GDF1: variants seen among roughly 807,000 people sequenced by gnomAD.
The protein encoded by GDF1 is growth differentiation factor 1, also known as embryonic growth/differentiation factor 1.
In GDF1, 8 loss-of-function variants were observed where a neutral mutation model predicts 7.4. The observed-to-expected ratio is 1.09, with a 90% CI of 0.64 to 1.96. The LOEUF (loss-of-function observed/expected upper bound fraction) is 1.96. Among genes scored for constraint, GDF1 ranks in the 30% most tolerant of loss-of-function variants. GDF1 has a pLI of 0.00. For missense variants in GDF1, 574 were observed against 551.5 expected (o/e 1.04, Z -0.41); for synonymous variants, 311 against 276.7 (o/e 1.12, Z -1.23).
intron 2 of GDF1, among the ~76,000 whole-genome samples, chr19:18,886,090 G>A (rs78922343): frequency 0.059 from 8,916 of 152,094 alleles, 312 homozygotes; most frequent in Middle Eastern, 0.14. Flanking sequence ...CATCCCCAGA[G>A]GCTGCCAGAC....
chr19:18,871,616 T>G (rs2145992613), intron 6 of GDF1, among the ~76,000 whole-genome samples: 1 of 152,302 alleles, frequency 6.6e-6, no homozygotes, highest in Non-Finnish European at 1.5e-5. Flanking sequence ...ACTCCTGGGC[T>G]CAAGCAGTCA....
At position 18,895,911 on chromosome 19, in the gene GDF1, G is replaced by T; in HGVS notation, c.-1161C>A. ...GCAGCAGCAGCTCGGGCGGCGCCAG[G>T]TGCGCGTGCTCAGCCAGGCCGCGAC... On this transcript the variant is annotated 5_prime_UTR_variant, in exon 1 of 8. Transcript: ENST00000247005. The surrounding 1 kb of genome is among the most constrained non-coding windows in gnomAD (Gnocchi z 6.4). 1 of 1,249,564 alleles carries T rather than the reference G, an allele frequency of 8.0e-7. No homozygotes were observed. The highest frequency in any genetic ancestry group is 2.3e-5 in the South Asian group (1 of 44,394). The allele number at this position is 1,249,564 out of a possible 1,614,324, so 77.4% of individuals were successfully genotyped here. A position where few individuals can be genotyped will look rare whatever the true frequency, so the allele number is the denominator to read the frequency against.
chr19:18,893,364 C>A (rs970979848), intron 2 of GDF1, 52 bp downstream of exon 2: 3 of 1,536,460 alleles, frequency 2.0e-6, no homozygotes, highest in Non-Finnish European at 2.6e-6. Flanking sequence ...ACAAGCCTGG[C>A]GTCTTTGTGT....
At chr19:18,871,502 G>A (rs750736822) in intron 6 of GDF1, among the ~76,000 whole-genome samples, 3 of 152,116 alleles carry the variant, frequency 2.0e-5, no homozygotes, top group African/African-American at 4.8e-5. Context: ...GATTACAGGC[G>A]TGAGCCACCG....
At chr19:18,871,329 C>G (rs536807838) in intron 6 of GDF1, among the ~76,000 whole-genome samples, 1 of 150,612 alleles carries the variant, frequency 6.6e-6, no homozygotes, top group East Asian at 2.0e-4. Context: ...TGAGTTCAAG[C>G]GATTCTCCTG....
At chr19:18,884,315 C>T (rs371796305) in intron 2 of GDF1, 48 bp from the exon 3 acceptor site, 179 of 1,541,680 alleles carry the variant, frequency 1.2e-4, no homozygotes, top group African/African-American at 6.4e-4. Flanking sequence ...AGCCTCTAGA[C>T]GATCGCCTCC....
intron 6 of GDF1, among the ~76,000 whole-genome samples, chr19:18,873,016 C>T (rs1395672351): frequency 6.6e-6 from 1 of 152,154 alleles, no homozygotes; most frequent in East Asian, 1.9e-4. Context: ...AGAGCCAGAG[C>T]GAGTGTGCAG....
intron 7 of GDF1, 48 bp downstream of exon 7, chr19:18,869,935 C>T (rs780206023): frequency 6.6e-7 from 1 of 1,525,986 alleles, no homozygotes; most frequent in South Asian, 1.2e-5. Flanking sequence ...GCTCGCCCTG[C>T]GAGGTCTGGC....
intron 2 of GDF1, among the ~76,000 whole-genome samples, chr19:18,886,380 T>A (rs2056361191): frequency 6.6e-6 from 1 of 152,000 alleles, no homozygotes. Flanking sequence ...AAACCCCGTC[T>A]CTACTAAAAA....
chr19:18,874,750 G>A (rs2056032285), intron 6 of GDF1, among the ~76,000 whole-genome samples: 1 of 152,210 alleles, frequency 6.6e-6, no homozygotes, highest in Non-Finnish European at 1.5e-5. Context: ...GCCATGAGGA[G>A]GACAGGGAAT....
chr19:18,889,288 G>A (rs988478864), intron 2 of GDF1, among the ~76,000 whole-genome samples: 2 of 152,076 alleles, frequency 1.3e-5, no homozygotes, highest in Non-Finnish European at 2.9e-5. Flanking sequence ...ATGTGAGCCC[G>A]AGCTTTTGCC....
intron 1 of GDF1, among the ~76,000 whole-genome samples, chr19:18,894,677 G>T (rs1350937273): frequency 6.6e-6 from 1 of 152,148 alleles, no homozygotes. Context: ...GCGGACCCAG[G>T]GAGGGGCCCT....
chr19:18,876,862 A>G (rs1046811106), intron 6 of GDF1, among the ~76,000 whole-genome samples: 3 of 152,094 alleles, frequency 2.0e-5, no homozygotes, highest in African/African-American at 7.2e-5. Context: ...TCTCCACATG[A>G]TTTGAATTCA....
At chr19:18,876,256 G>A (rs892436446) in intron 6 of GDF1, among the ~76,000 whole-genome samples, 1 of 152,216 alleles carries the variant, frequency 6.6e-6, no homozygotes, top group Non-Finnish European at 1.5e-5. Context: ...AAAGTGCTGG[G>A]ATTACAGGCG....
chr19:18,876,264 G>T (rs1305269872), intron 6 of GDF1, among the ~76,000 whole-genome samples: 1 of 150,406 alleles, frequency 6.6e-6, no homozygotes, highest in Non-Finnish European at 1.5e-5. Context: ...GGGATTACAG[G>T]CGTGAGCCAC....
At chr19:18,894,862 C>T (rs1417461622) in intron 1 of GDF1, among the ~76,000 whole-genome samples, 1 of 152,140 alleles carries the variant, frequency 6.6e-6, no homozygotes, top group Non-Finnish European at 1.5e-5. Flanking sequence ...TGGCGCTGGG[C>T]ACATTGTCCC....
At chr19:18,879,105 A>G (rs2146011621) in intron 5 of GDF1, 66 bp from the exon 6 acceptor site, 1 of 1,593,888 alleles carries the variant, frequency 6.3e-7, no homozygotes, top group Non-Finnish European at 8.5e-7. Flanking sequence ...GCTGACAGCC[A>G]TGTGCTCCTG....
Position 18,875,246 on chromosome 19 carries a change from A to AAAAG in GDF1, c.-313+3680_-313+3683dup, listed in dbSNP as rs201446868. On this transcript the variant is annotated intron_variant, in intron 6 of 7. Coordinates refer to ENST00000247005, the MANE Select transcript of GDF1 (RefSeq NM_001492.6). ...GTGGGACCGTCTCTAAAAAAAAAAA[A>AAAAG]AAAGAAAGAAAGAAACAGGCTGGGC... 5.8e-4 allele frequency among the ~76,000 whole-genome samples: 88 copies of AAAAG among 151,488 alleles called. 2 individuals carry two copies. Among genetic ancestry groups the AAAAG allele is most frequent in the African/African-American group, 1.8e-3 (76 of 41,266 alleles).
chr19:18,869,489 G>A (rs186263243), intron 7 of GDF1, 99 bp from the exon 8 acceptor site: 26,457 of 1,435,910 alleles, frequency 0.018, 305 homozygotes, highest in Non-Finnish European at 0.022. Flanking sequence ...CTGGGGCTCG[G>A]GGCGCACCGT....
Sources: allele counts gnomAD v4.1 joint callset (sites outside exome capture counted in the v4.1 genomes callset), GRCh38; gene constraint gnomAD v4.1.1; non-coding constraint Gnocchi (gnomAD v3.1); transcripts MANE v1.5; gene names NCBI Gene and HGNC (gene_info 2026-07-23, HGNC 2026-07-21).